Variants in PKIB observed in about 807,000 individuals in gnomAD.
PKIB encodes the protein cAMP-dependent protein kinase inhibitor beta.
PKIB carries 2 observed loss-of-function variants against 4.5 expected under a neutral mutation model. The ratio of observed to expected loss-of-function variants is 0.44; its 90% CI spans 0.18 to 1.39. PKIB has a LOEUF of 1.39. Among genes scored for constraint, PKIB ranks in the 40% most tolerant of loss-of-function variants. The pLI is 0.27. For missense variants in PKIB, 94 were observed against 92.6 expected, an observed-to-expected ratio of 1.02 and a Z score of -0.06; for synonymous variants, 38 against 36.0, an observed-to-expected ratio of 1.06 and a Z score of -0.20.
chr6:122,622,161 G>A (rs2114791782), intron 1 of PKIB, among the ~76,000 whole-genome samples: 1 of 152,230 alleles, frequency 6.6e-6, no homozygotes, highest in Non-Finnish European at 1.5e-5. Context: ...TTAGGAATAA[G>A]TTTGCCATAA....
intron 2 of PKIB, chr6:122,479,955 T>C (rs1011935661): frequency 2.0e-5 from 3 of 151,854 alleles, no homozygotes; most frequent in Non-Finnish European, 4.4e-5. Context: ...TAATAGAAAG[T>C]TAAAAAAAGA....
At chr6:122,724,223 A>C (rs1779854327) in intron 4 of PKIB, among the ~76,000 whole-genome samples, 1 of 152,190 alleles carries the variant, frequency 6.6e-6, no homozygotes, top group Non-Finnish European at 1.5e-5. Context: ...ACTTGTGGGA[A>C]CGAAGGAGCC....
intron 2 of PKIB, among the ~76,000 whole-genome samples, chr6:122,665,287 G>A (rs1777173834): frequency 6.6e-6 from 1 of 152,196 alleles, no homozygotes; most frequent in Non-Finnish European, 1.5e-5. Flanking sequence ...TATTTTGAGA[G>A]ATTGTTCTTG....
intron 3 of PKIB, among the ~76,000 whole-genome samples, chr6:122,591,976 A>C (rs1280015086): frequency 6.6e-6 from 1 of 151,258 alleles, no homozygotes; most frequent in East Asian, 1.9e-4. Context: ...GGGATTCAAC[A>C]CGTGGTATTG....
intron 2 of PKIB, among the ~76,000 whole-genome samples, chr6:122,511,478 G>A (rs1283365695): frequency 2.6e-5 from 4 of 152,050 alleles, no homozygotes; most frequent in South Asian, 2.1e-4. Context: ...TTTGTCCATC[G>A]GTCCTCCATT....
At chr6:122,663,234 T>C (rs974972919) in intron 2 of PKIB, among the ~76,000 whole-genome samples, 5 of 152,202 alleles carry the variant, frequency 3.3e-5, no homozygotes, top group African/African-American at 1.2e-4. Context: ...TAAGATCTAT[T>C]AGTCTGATCC....
At chr6:122,475,059 A>G (rs1378147014) in intron 1 of PKIB, among the ~76,000 whole-genome samples, 1 of 152,154 alleles carries the variant, frequency 6.6e-6, no homozygotes, top group Non-Finnish European at 1.5e-5. Flanking sequence ...TTTGAGACGT[A>G]GGCTTGCTCT....
intron 2 of PKIB, among the ~76,000 whole-genome samples, chr6:122,562,066 C>G (rs765124528): frequency 1.9e-5 from 2 of 104,094 alleles, no homozygotes; most frequent in Non-Finnish European, 3.7e-5. Context: ...GTGATTTATG[C>G]TTTAAAGAGG....
chr6:122,686,818 A>T (rs1430119145), intron 3 of PKIB, among the ~76,000 whole-genome samples: 2 of 151,878 alleles, frequency 1.3e-5, no homozygotes, highest in African/African-American at 4.8e-5. Flanking sequence ...CTAATTATTA[A>T]TTTTTTCCTA....
At chr6:122,520,669 C>CT (rs147625814) in intron 2 of PKIB, among the ~76,000 whole-genome samples, 6 of 119,294 alleles carry the variant, frequency 5.0e-5, no homozygotes, top group African/African-American at 1.8e-4. Context: ...GTTCCCACCC[C>CT]CCCCCCACCA....
intron 2 of PKIB, among the ~76,000 whole-genome samples, chr6:122,503,647 G>C (rs1372222915): frequency 6.6e-6 from 1 of 152,112 alleles, no homozygotes; most frequent in Non-Finnish European, 1.5e-5. Flanking sequence ...AAGAAAGAGA[G>C]GGCTAGTTTA....
chr6:122,606,492 A>G (rs946304122), upstream of PKIB, among the ~76,000 whole-genome samples: 1 of 149,866 alleles, frequency 6.7e-6, no homozygotes, highest in African/African-American at 2.5e-5. Context: ...GAATCGCTCG[A>G]ACCCAGGAGG....
intron 4 of PKIB, among the ~76,000 whole-genome samples, chr6:122,719,330 C>T (rs535591602): frequency 2.0e-5 from 3 of 152,042 alleles, no homozygotes; most frequent in Admixed American, 1.3e-4. Context: ...TTATATTTTT[C>T]TTCATATCAT....
intron 3 of PKIB, among the ~76,000 whole-genome samples, chr6:122,600,350 G>T (rs1438382623): frequency 6.6e-6 from 1 of 152,050 alleles, no homozygotes; most frequent in Non-Finnish European, 1.5e-5. Context: ...ATCTCTTTTG[G>T]CAACACCCTC....
At chr6:122,684,409 A>T (rs569133540) in intron 3 of PKIB, among the ~76,000 whole-genome samples, 2 of 152,138 alleles carry the variant, frequency 1.3e-5, no homozygotes, top group African/African-American at 4.8e-5. Flanking sequence ...CACAATAAAG[A>T]CCTAGCCCTC....
At chr6:122,526,373 C>T (rs767998995) in intron 2 of PKIB, among the ~76,000 whole-genome samples, 2 of 152,064 alleles carry the variant, frequency 1.3e-5, no homozygotes, top group Non-Finnish European at 2.9e-5. Flanking sequence ...TTGCCCAGAT[C>T]CATCAAATGA....
At chr6:122,576,710 A>ATATATATATATATATATT (rs59569106) in intron 2 of PKIB, among the ~76,000 whole-genome samples, 19 of 109,972 alleles carry the variant, frequency 1.7e-4, no homozygotes, top group African/African-American at 5.1e-4. Context: ...ATATATATAT[A>ATATATATATATATATATT]TTTTCTTTTG....
chr6:122,623,077 G>A (rs745753839), intron 1 of PKIB, among the ~76,000 whole-genome samples: 7 of 152,078 alleles, frequency 4.6e-5, no homozygotes, highest in African/African-American at 9.7e-5. Flanking sequence ...GAGAAAACCC[G>A]CCAAGCAAAT....
chr6:122,662,670 A>G (rs1777056827), intron 2 of PKIB, among the ~76,000 whole-genome samples: 3 of 152,116 alleles, frequency 2.0e-5, no homozygotes, highest in African/African-American at 7.2e-5. Context: ...TATCTTTTCC[A>G]TGAGTGAGGT....
Sources: gnomAD v4.1 joint callset for allele counts (sites outside exome capture counted in the v4.1 genomes callset) on GRCh38, gnomAD v4.1.1 for gene constraint, MANE v1.5 for transcripts, NCBI Gene and HGNC (gene_info 2026-07-23, HGNC 2026-07-21) for gene names.